The following ADGRL2 variants were observed in gnomAD, a reference collection of about 807,000 sequenced individuals.
ADGRL2 encodes adhesion G protein-coupled receptor L2, also known as calcium-independent alpha-latrotoxin receptor 2.
A neutral mutation model predicts 157.4 loss-of-function variants in ADGRL2; 44 were observed. The ratio of observed to expected loss-of-function variants is 0.28; its 90% CI spans 0.22 to 0.36. ADGRL2 has a LOEUF of 0.36. Among genes scored for constraint, ADGRL2 ranks in the 10% least tolerant of loss-of-function variants. The pLI is 1.00. For synonymous variants in ADGRL2, 585 were observed against 624.7 expected (o/e 0.94, Z 0.95); for missense variants, 1,510 against 1,768.9 (o/e 0.85, Z 2.63).
chr1:81,395,305 T>C (rs555422818), intron 1 of ADGRL2, among the ~76,000 whole-genome samples: 1 of 152,216 alleles, frequency 6.6e-6, no homozygotes, highest in Non-Finnish European at 1.5e-5. Flanking sequence ...TTTTTTCATA[T>C]ACTTCTTGGC....
intron 3 of ADGRL2, among the ~76,000 whole-genome samples, chr1:81,652,380 A>G (rs1259801531): frequency 2.0e-5 from 3 of 152,154 alleles, no homozygotes; most frequent in Non-Finnish European, 4.4e-5. Context: ...AAATCACCCT[A>G]TGTGTTTGTT....
At chr1:81,551,624 T>G (rs2148389145) in intron 2 of ADGRL2, among the ~76,000 whole-genome samples, 1 of 152,314 alleles carries the variant, frequency 6.6e-6, no homozygotes, top group South Asian at 2.1e-4. Flanking sequence ...CACTTATGTA[T>G]ACATCATAAG....
chr1:81,481,214 A>T (rs2078379450), intron 2 of ADGRL2, among the ~76,000 whole-genome samples: 1 of 152,214 alleles, frequency 6.6e-6, no homozygotes, highest in Non-Finnish European at 1.5e-5. Flanking sequence ...GAGATTTCTA[A>T]ACTAAGAAGC....
At chr1:81,488,183 T>G (rs1196839853) in intron 2 of ADGRL2, among the ~76,000 whole-genome samples, 1 of 151,952 alleles carries the variant, frequency 6.6e-6, no homozygotes, top group East Asian at 1.9e-4. Context: ...CAACTGAATA[T>G]ATGAGGAAAA....
intron 3 of ADGRL2, among the ~76,000 whole-genome samples, chr1:81,677,599 G>A (rs997701229): frequency 1.1e-4 from 17 of 152,118 alleles, no homozygotes; most frequent in Non-Finnish European, 2.9e-5. Flanking sequence ...ATCAAGGCCT[G>A]TCATTTCTAT....
intron 2 of ADGRL2, among the ~76,000 whole-genome samples, chr1:81,524,263 G>C (rs184256536): frequency 1.4e-4 from 21 of 152,302 alleles, no homozygotes; most frequent in Non-Finnish European, 2.8e-4. Flanking sequence ...CTACTCGGGA[G>C]GCTGAGGCAG....
In ADGRL2 at chr1:81,979,882, T is replaced by C; in HGVS notation, c.3035T>C (p.Phe1012Ser). 1 of 1,598,998 alleles carries C rather than the reference T, an allele frequency of 6.3e-7. No homozygotes were observed. Among genetic ancestry groups the C allele is most frequent in the Non-Finnish European group, 8.6e-7 (1 of 1,167,470 alleles). Residue 1012 changes from phenylalanine (F) to serine (S), a missense_variant, in exon 18 of 24, where the codon TTC (phenylalanine) becomes TCC (serine). Around this residue, in one of 4 missense-constraint regions of ADGRL2, gnomAD observed 497 missense variants for 627.2 expected, o/e 0.79. Transcript: ENST00000686636. Reference protein sequence around the residue: ...VTFIILLNIIFLVITLCKMVK... With the variant: ...VTFIILLNIISLVITLCKMVK... ...TTGTTACAACAGCTAAATATTATCT[T>C]CTTGGTGATCACATTGTGCAAAATG...
At chr1:81,693,519 A>T (rs552841791) in intron 3 of ADGRL2, among the ~76,000 whole-genome samples, 1 of 152,176 alleles carries the variant, frequency 6.6e-6, no homozygotes, top group South Asian at 2.1e-4. Context: ...TGTCTGTTTA[A>T]ACTATGGGTC....
intron 1 of ADGRL2, among the ~76,000 whole-genome samples, chr1:81,705,499 C>T (rs1443109615): frequency 2.0e-5 from 3 of 152,024 alleles, no homozygotes; most frequent in Non-Finnish European, 4.4e-5. Flanking sequence ...CTGCCCATCT[C>T]TGCCTCCCAA....
At chr1:81,919,455 C>T (rs2094930730) in intron 3 of ADGRL2, among the ~76,000 whole-genome samples, 2 of 152,010 alleles carry the variant, frequency 1.3e-5, no homozygotes, top group African/African-American at 4.8e-5. Flanking sequence ...ACTCCCATTA[C>T]AGACTTTATA....
At chr1:81,665,003 C>T (rs1355714919) in intron 3 of ADGRL2, among the ~76,000 whole-genome samples, 1 of 151,936 alleles carries the variant, frequency 6.6e-6, no homozygotes, top group African/African-American at 2.4e-5. Context: ...CCAAGTGGAT[C>T]TCATAGTCAG....
At chr1:81,911,933 T>C (rs2094733929) in intron 3 of ADGRL2, among the ~76,000 whole-genome samples, 1 of 149,884 alleles carries the variant, frequency 6.7e-6, no homozygotes, top group Non-Finnish European at 1.5e-5. Flanking sequence ...GAAAGTAAGG[T>C]TATGGCCTAG....
chr1:81,337,011 C>G (rs558689829), intron 1 of ADGRL2, among the ~76,000 whole-genome samples: 3 of 151,948 alleles, frequency 2.0e-5, no homozygotes, highest in African/African-American at 7.2e-5. Context: ...TTGACATCAG[C>G]GAGAAGCAGC....
At chr1:81,591,652 T>C (rs1336416625) in intron 3 of ADGRL2, among the ~76,000 whole-genome samples, 1 of 152,124 alleles carries the variant, frequency 6.6e-6, no homozygotes. Flanking sequence ...CAGCAGAATA[T>C]GACAAAAGTG....
chr1:81,912,600 A>G (rs1007562770), intron 3 of ADGRL2, among the ~76,000 whole-genome samples: 1 of 152,134 alleles, frequency 6.6e-6, no homozygotes, highest in African/African-American at 2.4e-5. Flanking sequence ...ACCCACAGAG[A>G]TTATGTAATT....
chr1:81,854,707 C>T (rs2093141813), intron 2 of ADGRL2, among the ~76,000 whole-genome samples: 2 of 152,106 alleles, frequency 1.3e-5, no homozygotes, highest in African/African-American at 4.8e-5. Flanking sequence ...GAGAGAGCTG[C>T]ATAGGTGGCA....
chr1:81,311,399 T>A (rs1659746273), intron 1 of ADGRL2, among the ~76,000 whole-genome samples: 1 of 152,176 alleles, frequency 6.6e-6, no homozygotes, highest in Non-Finnish European at 1.5e-5. Flanking sequence ...CTAATTACGT[T>A]CTTTTTTCAT....
At position 81,307,558 on chromosome 1, in the gene ADGRL2, C is replaced by T. The variant is rs146277930; in HGVS notation, c.-302+1049C>T. On this transcript the variant is annotated intron_variant, in intron 1 of 24. Transcript: ENST00000370721. The stretch of plus-strand genomic sequence containing the variant: ...ATTAATATAATTTTGCATTTATTAC[C>T]TTATTTTTCTAAGAAGGATTTGACA... 1.7e-3 allele frequency among the ~76,000 whole-genome samples: 254 copies of T among 152,060 alleles called. 1 individual carries two copies. Among genetic ancestry groups the T allele is most frequent in the African/African-American group, 5.0e-3 (208 of 41,474 alleles).
At chr1:81,629,206 G>A (rs1294524677) in intron 3 of ADGRL2, among the ~76,000 whole-genome samples, 2 of 152,168 alleles carry the variant, frequency 1.3e-5, no homozygotes, top group African/African-American at 4.8e-5. Flanking sequence ...AAAAGAAATA[G>A]TAATAAAAAT....
Sources: gnomAD v4.1 joint callset for allele counts (sites outside exome capture counted in the v4.1 genomes callset) on GRCh38, gnomAD v4.1.1 for gene constraint, gnomAD v4.1.1 regional missense constraint, MANE v1.5 for transcripts, NCBI Gene and HGNC (gene_info 2026-07-23, HGNC 2026-07-21) for gene names.